The following ATP5MC1 variants were observed in gnomAD, a reference collection of about 807,000 sequenced individuals.
The protein encoded by ATP5MC1 is ATP synthase membrane subunit c locus 1.
Under a neutral mutation model 12.1 loss-of-function variants are expected in ATP5MC1, and 4 were observed. The observed-to-expected ratio is 0.33, with a 90% CI of 0.16 to 0.76. ATP5MC1 has a LOEUF of 0.76. ATP5MC1 is among the 30% of genes least tolerant of loss of function. ATP5MC1 has a pLI of 0.61. For synonymous variants in ATP5MC1, 52 were observed against 66.0 expected (o/e 0.79, Z 1.03); for missense variants, 117 against 172.1 (o/e 0.68, Z 1.79).
chr17:48,894,719 C>A, intron 3 of ATP5MC1: 1 of 512,510 alleles, frequency 2.0e-6, no homozygotes, highest in Non-Finnish European at 3.6e-6. Flanking sequence ...TGTGACTATG[C>A]CACTGCACTC....
At chr17:48,895,560 G>T in intron 4 of ATP5MC1, 95 bp from the exon 5 acceptor site, 1 of 1,340,770 alleles carries the variant, frequency 7.5e-7, no homozygotes. Context: ...CCCTCTCCCA[G>T]GAGTAACAGT....
In ATP5MC1 at chr17:48,895,774, C is replaced by T; in HGVS notation, c.*5C>T. 1.4e-6 allele frequency: 2 copies of T among 1,462,994 alleles called. No homozygotes were observed. The highest frequency in any genetic ancestry group is 1.8e-6 in the Non-Finnish European group (2 of 1,108,870). The allele number at this position is 1,462,994 out of a possible 1,614,324, so 90.6% of individuals were successfully genotyped here. A position where few individuals can be genotyped will look rare whatever the true frequency, so the allele number is the denominator to read the frequency against. ...CTCATCCTCTTCGCCATGTGAGGCT[C>T]CATGGGGGGGTCACCGGCCTGTTGC... On this transcript the variant is annotated 3_prime_UTR_variant, in exon 5 of 5. Transcript: ENST00000393366.
intron 3 of ATP5MC1, 145 bp from the exon 4 acceptor site, chr17:48,895,011 T>G (rs1361001554): frequency 3.2e-6 from 3 of 923,080 alleles, no homozygotes; most frequent in African/African-American, 3.3e-5. Context: ...CAGCATACTC[T>G]GCAATCAGAG....
At chr17:48,893,377 G>A (rs985631532) in intron 1 of ATP5MC1, 32 bp from the exon 2 acceptor site, 2 of 1,611,376 alleles carry the variant, frequency 1.2e-6, no homozygotes, top group Admixed American at 1.7e-5. Context: ...GTCTCAGTGG[G>A]ATTATTATTA....
intron 3 of ATP5MC1, 175 bp from the exon 4 acceptor site, chr17:48,894,981 C>G: frequency 1.3e-6 from 1 of 787,048 alleles, no homozygotes; most frequent in South Asian, 1.5e-5. Context: ...TGTCTGACAA[C>G]AGACTCTAAG....
At chr17:48,893,600 C>T (rs1459851357) in intron 2 of ATP5MC1, 144 bp downstream of exon 2, 5 of 916,958 alleles carry the variant, frequency 5.5e-6, no homozygotes, top group Non-Finnish European at 8.6e-6. Context: ...AAGGTAACCC[C>T]TGTTTATCTG....
Position 48,894,240 on chromosome 17 carries a change from C to T in ATP5MC1, c.40-132C>T, listed in dbSNP as rs1020955957. The T allele has an allele frequency of 2.5e-5, 22 of 870,750 alleles. No individual in the cohort carries two copies. The African/African-American group carries it at 3.5e-4, about 14-fold the overall frequency. The allele number at this position is 870,750 out of a possible 1,614,324, so 53.9% of individuals were successfully genotyped here. The stretch of plus-strand genomic sequence containing the variant: ...CTGGGGCAGGCCTATCTGATAGGAA[C>T]AGGAATAAATTGACCTTGAAATACA... On this transcript the variant is annotated intron_variant, in intron 2 of 4. Transcript: ENST00000393366.
intron 4 of ATP5MC1, 100 bp downstream of exon 4, chr17:48,895,434 T>G: frequency 6.8e-7 from 1 of 1,464,710 alleles, no homozygotes; most frequent in Non-Finnish European, 9.2e-7. Context: ...CAGGTTGATT[T>G]CATCTACATC....
chr17:48,895,592 G>T (rs2040565500), intron 4 of ATP5MC1, 63 bp from the exon 5 acceptor site: 1 of 1,457,002 alleles, frequency 6.9e-7, no homozygotes, highest in Non-Finnish European at 9.6e-7. Flanking sequence ...TCACCCTCCT[G>T]TGTCCTCCCC....
chr17:48,893,268 C>T (rs1346049586), intron 1 of ATP5MC1, 141 bp from the exon 2 acceptor site: 4 of 792,640 alleles, frequency 5.0e-6, no homozygotes, highest in Non-Finnish European at 7.9e-6. Context: ...CTAATGCCCT[C>T]CTCAGCTGGG....
At chr17:48,894,276 T>A in intron 2 of ATP5MC1, 96 bp from the exon 3 acceptor site, 1 of 1,183,490 alleles carries the variant, frequency 8.4e-7, no homozygotes, top group East Asian at 2.4e-5. Context: ...TTGAACTTAT[T>A]CTGTTTATGA....
At chr17:48,893,256 C>A in intron 1 of ATP5MC1, 153 bp from the exon 2 acceptor site, 1 of 699,002 alleles carries the variant, frequency 1.4e-6, no homozygotes. Context: ...TCCCTCTGAC[C>A]TCTAATGCCC....
In ATP5MC1 at chr17:48,894,336, A is replaced by T. The variant is rs559625015; in HGVS notation, c.40-36A>T. 5.4e-5 allele frequency: 86 copies of T among 1,600,718 alleles called. 2 individuals are homozygous for T. In the South Asian group the frequency reaches 6.4e-4, roughly 12 times the overall value. On this transcript the variant is annotated intron_variant, in intron 2 of 4. Coordinates refer to ENST00000393366, the MANE Select transcript of ATP5MC1 (RefSeq NM_005175.3). ...CAGCAATTAGGATTTTTTTTCCTTG[A>T]CTGATTTGGTAGGATGTGGCTTTCT... is the stretch of plus-strand genomic sequence containing the variant.
chr17:48,894,576 T>C, intron 3 of ATP5MC1, 127 bp downstream of exon 3: 1 of 915,930 alleles, frequency 1.1e-6, no homozygotes, highest in Non-Finnish European at 1.7e-6. Context: ...AAGACCAGCC[T>C]GGGCAACACA....
intron 4 of ATP5MC1, 135 bp from the exon 5 acceptor site, chr17:48,895,520 T>G: frequency 7.9e-7 from 1 of 1,271,140 alleles, no homozygotes. Flanking sequence ...TGCTTGTCCA[T>G]CCAAATCCCC....
chr17:48,894,004 G>A (rs2040551348), intron 2 of ATP5MC1: 1 of 242,458 alleles, frequency 4.1e-6, no homozygotes. Flanking sequence ...GTGTAGCTGT[G>A]AGTGTATTTT....
intron 3 of ATP5MC1, 106 bp downstream of exon 3, chr17:48,894,555 C>A: frequency 8.5e-7 from 1 of 1,181,534 alleles, no homozygotes; most frequent in Middle Eastern, 2.9e-4. Flanking sequence ...ATCACTTGAG[C>A]CCAGTTGTTC....
chr17:48,895,595 TCCTCC>T, intron 4 of ATP5MC1, 55 bp from the exon 5 acceptor site: 2 of 1,468,148 alleles, frequency 1.4e-6, no homozygotes, highest in Non-Finnish European at 9.5e-7. Context: ...CCCTCCTGTG[TCCTCC>T]CCTCCCCTCA....
rs770462430 is a variant in ATP5MC1, at chr17:48,895,795, G to A, written c.*26G>A. ...GGCTCCATGGGGGGGTCACCGGCCT[G>A]TTGCTACTGCAACTCCACACCATTC... is the stretch of plus-strand genomic sequence containing the variant. On this transcript the variant is annotated 3_prime_UTR_variant, in exon 5 of 5. Coordinates refer to ENST00000393366, the MANE Select transcript of ATP5MC1 (RefSeq NM_005175.3). The A allele has an allele frequency of 6.3e-6, 10 of 1,581,424 alleles. No homozygotes were observed. The highest frequency in any genetic ancestry group is 1.1e-5 in the South Asian group (1 of 90,480).
Sources: allele counts gnomAD v4.1 joint callset, GRCh38; gene constraint gnomAD v4.1.1; transcripts MANE v1.5; gene names NCBI Gene and HGNC (gene_info 2026-07-23, HGNC 2026-07-21).